Variants in ANKRD36 observed in about 807,000 individuals in gnomAD.
ANKRD36 encodes ankyrin repeat domain-containing protein 36A.
ANKRD36 carries 179 observed loss-of-function variants against 278.1 expected under a neutral mutation model. The observed-to-expected ratio is 0.64, with a 90% CI of 0.57 to 0.73. ANKRD36 has a LOEUF of 0.73. Among genes scored for constraint, ANKRD36 ranks in the 30% least tolerant of loss-of-function variants. ANKRD36 has a pLI of 0.00. For missense variants in ANKRD36, 1,159 were observed against 1,956.7 expected, an observed-to-expected ratio of 0.59 and a Z score of 7.69; for synonymous variants, 320 against 641.1, an observed-to-expected ratio of 0.50 and a Z score of 7.57.
intron 22 of ANKRD36, among the ~76,000 whole-genome samples, chr2:97,177,131 G>T (rs1355564150): frequency 6.6e-6 from 1 of 151,682 alleles, no homozygotes; most frequent in African/African-American, 2.4e-5. Context: ...GGATGTGAAG[G>T]AACTCTTCAA....
chr2:97,193,753 T>C (rs575408213), intron 38 of ANKRD36, among the ~76,000 whole-genome samples: 1 of 151,784 alleles, frequency 6.6e-6, no homozygotes, highest in South Asian at 2.1e-4. Flanking sequence ...TGATTTTAGT[T>C]ATAAAAATCA....
chr2:97,209,305 A>G (rs565203839), intron 54 of ANKRD36, among the ~76,000 whole-genome samples: 70 of 146,718 alleles, frequency 4.8e-4, no homozygotes, highest in Non-Finnish European at 7.4e-4. Context: ...GATTTGTTGC[A>G]TGAAAGACAT....
At chr2:97,197,909 C>G (rs2060233825) in intron 42 of ANKRD36, among the ~76,000 whole-genome samples, 1 of 151,866 alleles carries the variant, frequency 6.6e-6, no homozygotes, top group Admixed American at 6.6e-5. Flanking sequence ...GTATTATCTA[C>G]TAGATATCTG....
rs533853137 is a variant in ANKRD36 at position 97,211,138 on chromosome 2, C to G, written c.3368-408C>G. ...TTAAAGAGCATGATGAATGTTTGTA[C>G]TATAATGGTGTAAATCCTTTTGATT... On this transcript the variant is annotated intron_variant, in intron 56 of 75. Transcript: ENST00000420699. Among the ~76,000 whole-genome samples, 191 of 151,906 alleles carry G rather than the reference C, an allele frequency of 1.3e-3. 3 individuals are homozygous for G. The highest frequency in any genetic ancestry group is 3.4e-3 in the Middle Eastern group (1 of 294).
In ANKRD36 at chr2:97,211,661, C is replaced by G. The variant is rs757504229; in HGVS notation, c.3397-8C>G. On this transcript the variant is annotated splice_polypyrimidine_tract_variant and splice_region_variant and intron_variant, in intron 57 of 75. Transcript: ENST00000420699. ...TTTATTGACTGTTTTGTTTCAAATT[C>G]TATTCAGGCTATCTGTGACAAGGAA... is the stretch of plus-strand genomic sequence containing the variant. The G allele has an allele frequency of 3.1e-6, 5 of 1,593,968 alleles. No homozygotes were observed. In the Admixed American group the frequency reaches 8.7e-5, roughly 28 times the overall value.
chr2:97,196,673 A>C, intron 41 of ANKRD36, 43 bp from the exon 42 acceptor site: 1 of 1,593,422 alleles, frequency 6.3e-7, no homozygotes, highest in Non-Finnish European at 8.5e-7. Flanking sequence ...GGTCTATGAA[A>C]CATACTTTAT....
Position 97,194,279 on chromosome 2 carries a change from T to G in ANKRD36, c.2450-447T>G, listed in dbSNP as rs546131850. The stretch of plus-strand genomic sequence containing the variant: ...GTCATCGTAATTGTGTGCCTTCTCA[T>G]TTATTGGGCAAGTTAAAGAGCATGA... On this transcript the variant is annotated intron_variant, in intron 38 of 75. Transcript: ENST00000420699. Among the ~76,000 whole-genome samples the G allele has an allele frequency of 1.2e-4, 18 of 151,744 alleles. 2 individuals are homozygous for G. The South Asian group carries it at 2.9e-3, about 25-fold the overall frequency.
chr2:97,203,469 A>G (rs2061958698), intron 48 of ANKRD36, among the ~76,000 whole-genome samples: 1 of 151,882 alleles, frequency 6.6e-6, no homozygotes, highest in African/African-American at 2.4e-5. Context: ...AAACTTAGGC[A>G]GATTATTACA....
chr2:97,165,241 A>T (rs529034747), intron 20 of ANKRD36, among the ~76,000 whole-genome samples: 1 of 152,288 alleles, frequency 6.6e-6, no homozygotes, highest in South Asian at 2.1e-4. Flanking sequence ...TAATAGCTGC[A>T]ACTCGGCTTT....
chr2:97,231,082 G>A (rs527237485), intron 67 of ANKRD36, among the ~76,000 whole-genome samples: 166 of 152,188 alleles, frequency 1.1e-3, no homozygotes, highest in Non-Finnish European at 1.9e-3. Context: ...GCTGCTCGGG[G>A]GTCAGTGGTC....
intron 6 of ANKRD36, among the ~76,000 whole-genome samples, chr2:97,137,350 A>G (rs1347515997): frequency 1.3e-5 from 2 of 151,562 alleles, no homozygotes; most frequent in East Asian, 3.9e-4. Context: ...GGATTTCACC[A>G]TGTTTGGCCA....
chr2:97,199,126 G>C (rs2060595351), intron 44 of ANKRD36, among the ~76,000 whole-genome samples: 1 of 151,912 alleles, frequency 6.6e-6, no homozygotes, highest in Non-Finnish European at 1.5e-5. Flanking sequence ...TTGTGAGACA[G>C]GAAGGTGTGA....
chr2:97,117,934 G>A, intron 1 of ANKRD36, 130 bp from the exon 2 acceptor site: 1 of 1,290,814 alleles, frequency 7.7e-7, no homozygotes, highest in Non-Finnish European at 1.0e-6. Flanking sequence ...TTAATGTGGT[G>A]AGTAATAAGC....
chr2:97,220,729 C>CTTTTTTTTTTTT, intron 66 of ANKRD36, among the ~76,000 whole-genome samples: 2 of 66,522 alleles, frequency 3.0e-5, no homozygotes, highest in African/African-American at 6.3e-5. Flanking sequence ...GATTTTCTTG[C>CTTTTTTTTTTTT]TTTTTTTTTT....
At chr2:97,135,043 C>G (rs1305668579) in intron 6 of ANKRD36, among the ~76,000 whole-genome samples, 1 of 152,110 alleles carries the variant, frequency 6.6e-6, no homozygotes, top group Admixed American at 6.6e-5. Flanking sequence ...ACACTGATCT[C>G]TCTTAGGCTC....
intron 22 of ANKRD36, among the ~76,000 whole-genome samples, chr2:97,175,944 A>T (rs921864770): frequency 4.6e-5 from 7 of 151,680 alleles, no homozygotes; most frequent in Non-Finnish European, 8.8e-5. Context: ...TTTGAGTGAG[A>T]TTCTTAATCC....
chr2:97,188,520 G>T (rs912574850), intron 32 of ANKRD36, among the ~76,000 whole-genome samples: 5 of 150,464 alleles, frequency 3.3e-5, no homozygotes, highest in African/African-American at 1.2e-4. Context: ...GAGAGATAAT[G>T]AATATTATCT....
chr2:97,131,657 T>C (rs1260842631), intron 6 of ANKRD36, among the ~76,000 whole-genome samples: 12 of 152,018 alleles, frequency 7.9e-5, no homozygotes, highest in African/African-American at 2.9e-4. Flanking sequence ...TAACAGATGA[T>C]TTTTAGTTTT....
rs527684296 is a variant in ANKRD36 at position 97,132,579 on chromosome 2, G to A, written c.799+5445G>A. On this transcript the variant is annotated intron_variant, in intron 6 of 75. Coordinates refer to ENST00000420699, the MANE Select transcript of ANKRD36 (RefSeq NM_001354587.1). ...AAAGGTGTTTTATAAACAGCCTTCT[G>A]ATCGTAGTCACAGGTCACATCACCT... Among the ~76,000 whole-genome samples, 4 of 152,030 alleles carry A rather than the reference G, an allele frequency of 2.6e-5. No homozygotes were observed. In the South Asian group the frequency reaches 8.4e-4, roughly 32 times the overall value.
Sources: allele counts gnomAD v4.1 joint callset (sites outside exome capture counted in the v4.1 genomes callset), GRCh38; gene constraint gnomAD v4.1.1; transcripts MANE v1.5; gene names NCBI Gene and HGNC (gene_info 2026-07-23, HGNC 2026-07-21).